The following LARGE1 variants were observed in gnomAD, a reference collection of about 807,000 sequenced individuals.
LARGE1 encodes the protein LARGE xylosyl- and glucuronyltransferase 1.
Under a neutral mutation model 87.6 loss-of-function variants are expected in LARGE1, and 43 were observed. The ratio of observed to expected loss-of-function variants is 0.49; its 90% CI spans 0.38 to 0.63. LARGE1 has a LOEUF of 0.63. Among genes scored for constraint, LARGE1 ranks in the 30% least tolerant of loss-of-function variants. The probability of loss-of-function intolerance (pLI) is 0.00; values close to 1 mark genes in which losing one functional copy is unlikely to be tolerated. For missense variants in LARGE1, 802 were observed against 1,000.2 expected, an observed-to-expected ratio of 0.80 and a Z score of 2.67; for synonymous variants, 434 against 394.6, an observed-to-expected ratio of 1.10 and a Z score of -1.18.
At chr22:33,524,601 A>G (rs1056998901) in intron 6 of LARGE1, among the ~76,000 whole-genome samples, 14 of 152,038 alleles carry the variant, frequency 9.2e-5, no homozygotes, top group Admixed American at 4.6e-4. Flanking sequence ...GGTACCAGAC[A>G]ATGATTTTCC....
At chr22:33,263,511 T>C (rs907906226) in intron 11 of LARGE1, among the ~76,000 whole-genome samples, 1 of 152,256 alleles carries the variant, frequency 6.6e-6, no homozygotes, top group Non-Finnish European at 1.5e-5. Context: ...AATAGCCATG[T>C]AGAGAGCAGA....
intron 1 of LARGE1, among the ~76,000 whole-genome samples, chr22:33,855,303 C>T (rs1330881347): frequency 6.6e-6 from 1 of 152,082 alleles, no homozygotes; most frequent in Non-Finnish European, 1.5e-5. Context: ...CACCACACTC[C>T]AGCCTGGGCA....
Position 33,675,251 on chromosome 22 carries a change from G to A in LARGE1, c.107-24583C>T, listed in dbSNP as rs1211398829. ...AGAGGTTGCGGTGAGCCAAGATTGC[G>A]CCACTGCCCTCCAGCCTGGGCAACA... On this transcript the variant is annotated intron_variant, in intron 2 of 14. Transcript: ENST00000397394. Among the ~76,000 whole-genome samples, 3 of 119,230 alleles carry A rather than the reference G, an allele frequency of 2.5e-5. No individual in the cohort carries two copies. The East Asian group carries it at 7.9e-4, about 31-fold the overall frequency. The allele number at this position is 119,230 out of a possible 152,430, so 78.2% of individuals were successfully genotyped here. A position where few individuals can be genotyped will look rare whatever the true frequency, so the allele number is the denominator to read the frequency against.
At chr22:33,442,854 A>G (rs941649985) in intron 6 of LARGE1, among the ~76,000 whole-genome samples, 2 of 148,008 alleles carry the variant, frequency 1.4e-5, no homozygotes, top group Admixed American at 6.9e-5. Context: ...GTGCAGTGGC[A>G]CTATCTCCGC....
At chr22:33,275,975 T>C (rs944404636) in intron 14 of LARGE1, among the ~76,000 whole-genome samples, 2 of 152,204 alleles carry the variant, frequency 1.3e-5, no homozygotes, top group Non-Finnish European at 2.9e-5. Context: ...TTGTTAAATA[T>C]GGACATGATT....
At chr22:33,781,201 A>G (rs2085409263) in intron 1 of LARGE1, among the ~76,000 whole-genome samples, 1 of 152,210 alleles carries the variant, frequency 6.6e-6, no homozygotes, top group Non-Finnish European at 1.5e-5. Flanking sequence ...TTCCAAATCT[A>G]TAATTTCACA....
At chr22:33,211,597 T>TCC (rs200144618) in intron 11 of LARGE1, among the ~76,000 whole-genome samples, 3,132 of 151,668 alleles carry the variant, frequency 0.021, 121 homozygotes, top group African/African-American at 0.07. Context: ...CATGCTGAAA[T>TCC]CCCGTCTCTA....
At chr22:33,086,038 T>C in the LARGE1 span, among the ~76,000 whole-genome samples, 1 of 152,208 alleles carries the variant, frequency 6.6e-6, no homozygotes, top group South Asian at 2.1e-4. Context: ...TTTATATGTA[T>C]ATACTGAAGA....
At chr22:33,232,999 G>A (rs983159365) in intron 11 of LARGE1, among the ~76,000 whole-genome samples, 5 of 152,124 alleles carry the variant, frequency 3.3e-5, no homozygotes, top group South Asian at 2.1e-4. Flanking sequence ...GGGGATTCCC[G>A]AACCCTGGAA....
chr22:33,485,037 G>A (rs2069508375), intron 6 of LARGE1, among the ~76,000 whole-genome samples: 1 of 149,880 alleles, frequency 6.7e-6, no homozygotes, highest in East Asian at 2.0e-4. Context: ...TCAGCCTCCT[G>A]AGTAGCTGGG....
chr22:33,600,779 G>T (rs1354753064), intron 5 of LARGE1, among the ~76,000 whole-genome samples: 1 of 152,144 alleles, frequency 6.6e-6, no homozygotes, highest in Non-Finnish European at 1.5e-5. Context: ...GGGGGCAGTG[G>T]CTCATGCCCG....
intron 10 of LARGE1, among the ~76,000 whole-genome samples, chr22:33,319,823 A>G (rs1246838174): frequency 6.6e-6 from 1 of 152,158 alleles, no homozygotes; most frequent in Non-Finnish European, 1.5e-5. Context: ...TTGAAGGACA[A>G]TCAACCTCCC....
intron 7 of LARGE1, among the ~76,000 whole-genome samples, chr22:33,428,968 A>G (rs2066985954): frequency 6.7e-6 from 1 of 149,618 alleles, no homozygotes; most frequent in Non-Finnish European, 1.5e-5. Context: ...AAAAGGAGAG[A>G]ACTGAGGTTC....
chr22:33,651,384 C>T (rs1166372300), intron 2 of LARGE1, among the ~76,000 whole-genome samples: 30 of 92,704 alleles, frequency 3.2e-4, no homozygotes, highest in African/African-American at 1.2e-3. Context: ...AGTGAGACTC[C>T]GTCTCAAAAA....
At chr22:33,081,859 A>G in the LARGE1 span, among the ~76,000 whole-genome samples, 23 of 152,178 alleles carry the variant, frequency 1.5e-4, no homozygotes, top group African/African-American at 2.2e-4. Flanking sequence ...GTTATGATAG[A>G]TTAATTATTT....
intron 9 of LARGE1, among the ~76,000 whole-genome samples, chr22:33,372,836 G>A (rs1347330983): frequency 1.3e-5 from 2 of 152,148 alleles, no homozygotes; most frequent in African/African-American, 2.4e-5. Flanking sequence ...TTACTTAAAG[G>A]TTGCCTCGAA....
intron 8 of LARGE1, among the ~76,000 whole-genome samples, 165 bp downstream of exon 8, chr22:33,384,027 G>A (rs1332503688): frequency 6.6e-6 from 1 of 152,262 alleles, no homozygotes; most frequent in Non-Finnish European, 1.5e-5. Context: ...GCACTAAGGA[G>A]TTGAGCTGTT....
intron 2 of LARGE1, among the ~76,000 whole-genome samples, chr22:33,760,756 C>A (rs546312442): frequency 2.0e-5 from 3 of 152,032 alleles, no homozygotes; most frequent in Admixed American, 6.6e-5. Context: ...CCCATCTCTA[C>A]GAAAAATAGA....
At chr22:33,761,189 TC>T (rs1051751422) in intron 2 of LARGE1, among the ~76,000 whole-genome samples, 181 bp downstream of exon 2, 1 of 152,020 alleles carries the variant, frequency 6.6e-6, no homozygotes, top group African/African-American at 2.4e-5. Flanking sequence ...TGCTTGTTTT[TC>T]CCTTTTTCTC....
Sources: allele counts gnomAD v4.1 joint callset (sites outside exome capture counted in the v4.1 genomes callset), GRCh38; gene constraint gnomAD v4.1.1; transcripts MANE v1.5; gene names NCBI Gene and HGNC (gene_info 2026-07-23, HGNC 2026-07-21).